The following DLG2 variants were observed in gnomAD, a reference collection of about 807,000 sequenced individuals.
The protein encoded by DLG2 is discs large MAGUK scaffold protein 2.
A neutral mutation model predicts 132.5 loss-of-function variants in DLG2; 45 were observed. That is an observed-to-expected ratio of 0.34 (90% confidence interval 0.27 to 0.44). DLG2 has a LOEUF of 0.44. Ranked by LOEUF, DLG2 falls within the 20% of genes least tolerant of loss-of-function variation. DLG2 has a pLI of 1.00. For synonymous variants in DLG2, 424 were observed against 419.6 expected (o/e 1.01, Z -0.13); for missense variants, 1,045 against 1,196.9 (o/e 0.87, Z 1.87).
chr11:85,347,967 CTTTTTTTTTTTTTT>C lies in DLG2; in HGVS notation c.41-62616_41-62603del, dbSNP rs35083224. 4.2e-4 allele frequency among the ~76,000 whole-genome samples: 17 copies of C among 40,396 alleles called. No homozygotes were observed. In the East Asian group the frequency reaches 5.9e-3, roughly 14 times the overall value. The allele number at this position is 40,396 out of a possible 152,430, so 26.5% of individuals were successfully genotyped here. On this transcript the variant is annotated intron_variant, in intron 3 of 27. Transcript: ENST00000376104. ...TACAGACTCATGCCACCACACTTAACTTTTTTTTTTTTTTTTTTTTTTTTTTTTTTTTGAGACAG... is the reference window on the plus strand; with the variant it reads ...TACAGACTCATGCCACCACACTTAACTTTTTTTTTTTTTTTTTTGAGACAG...
At chr11:85,601,873 T>C (rs2080187783) in intron 2 of DLG2, among the ~76,000 whole-genome samples, 1 of 152,216 alleles carries the variant, frequency 6.6e-6, no homozygotes, top group Non-Finnish European at 1.5e-5. Context: ...GTAAGACTTC[T>C]TTAATCTTAC....
chr11:84,132,367 A>G (rs1446647791), intron 9 of DLG2, among the ~76,000 whole-genome samples: 1 of 152,010 alleles, frequency 6.6e-6, no homozygotes, highest in Non-Finnish European at 1.5e-5. Flanking sequence ...TTGGGGTGGT[A>G]ATGTGCAGAT....
intron 3 of DLG2, among the ~76,000 whole-genome samples, chr11:85,467,041 G>T (rs1425611441): frequency 6.6e-6 from 1 of 152,096 alleles, no homozygotes. Flanking sequence ...TTGTAAGTTG[G>T]ATTCCTAGGT....
At chr11:83,984,865 G>A (rs2514172) in intron 11 of DLG2, among the ~76,000 whole-genome samples, 26,112 of 151,788 alleles carry the variant, frequency 0.17, 3,637 homozygotes, top group African/African-American at 0.36. Context: ...TAGTTATTTC[G>A]AAATACACAA....
chr11:83,649,007 G>T (rs2069151006), intron 18 of DLG2, among the ~76,000 whole-genome samples: 4 of 152,078 alleles, frequency 2.6e-5, no homozygotes, highest in African/African-American at 9.7e-5. Context: ...TGTTGCTAAA[G>T]ATTATTATGA....
intron 8 of DLG2, among the ~76,000 whole-genome samples, chr11:84,221,800 A>T (rs1057047165): frequency 3.3e-5 from 5 of 152,180 alleles, no homozygotes; most frequent in African/African-American, 1.2e-4. Context: ...GTCTCATGTA[A>T]AGAACTTAGC....
At chr11:84,951,516 C>G (rs2050910611) in intron 6 of DLG2, among the ~76,000 whole-genome samples, 1 of 151,922 alleles carries the variant, frequency 6.6e-6, no homozygotes, top group African/African-American at 2.4e-5. Context: ...TCATTCTTCT[C>G]TTTTATAAAT....
rs141196332 is a variant in DLG2, at chr11:83,579,186, T to C, written c.1941-37328A>G. On this transcript the variant is annotated intron_variant, in intron 19 of 27. Coordinates refer to ENST00000376104, the MANE Select transcript of DLG2 (RefSeq NM_001142699.3). ...GTGTTGTGGTAAGCAAAATTCTTAATGTAAGATATTTGGACTTTGAGAGAG... is the reference window on the plus strand; with the variant it reads ...GTGTTGTGGTAAGCAAAATTCTTAACGTAAGATATTTGGACTTTGAGAGAG... Among the ~76,000 whole-genome samples the C allele has an allele frequency of 9.0e-4, 137 of 152,292 alleles. 1 individual carries two copies. The South Asian group carries it at 9.1e-3, about 10-fold the overall frequency.
intron 7 of DLG2, among the ~76,000 whole-genome samples, chr11:84,343,839 C>T (rs912909463): frequency 6.6e-6 from 1 of 152,120 alleles, no homozygotes; most frequent in South Asian, 2.1e-4. Flanking sequence ...CTAATATAGA[C>T]ATTCATCAGT....
At chr11:83,583,583 C>G (rs1025765326) in intron 19 of DLG2, among the ~76,000 whole-genome samples, 2 of 152,164 alleles carry the variant, frequency 1.3e-5, no homozygotes, top group South Asian at 4.1e-4. Context: ...CTTGCAGTTG[C>G]AAAATGTCAG....
intron 6 of DLG2, among the ~76,000 whole-genome samples, chr11:84,918,265 TA>T (rs1333681529): frequency 6.6e-6 from 1 of 152,174 alleles, no homozygotes; most frequent in Non-Finnish European, 1.5e-5. Flanking sequence ...CAAAATTAAC[TA>T]CCAGTATAAA....
At chr11:84,194,360 G>A (rs12794445) in intron 8 of DLG2, among the ~76,000 whole-genome samples, 1 of 152,086 alleles carries the variant, frequency 6.6e-6, no homozygotes, top group African/African-American at 2.4e-5. Context: ...TTCTTCTGGT[G>A]GGTTCATGGT....
intron 3 of DLG2, among the ~76,000 whole-genome samples, chr11:85,467,519 AG>A (rs1179806686): frequency 1.3e-4 from 20 of 152,286 alleles, no homozygotes; most frequent in African/African-American, 4.8e-4. Context: ...TTTAGCATGA[AG>A]GGTTGTTGAA....
Position 85,009,703 on chromosome 11 carries a change from G to A in DLG2, c.357+101958C>T, listed in dbSNP as rs142905461. On this transcript the variant is annotated intron_variant, in intron 6 of 27. Transcript: ENST00000376104. Reference sequence around the variant, plus strand: ...GTATATCAATTCCAGTTATACAAACGCCAAGAAGCTTATTTTAAACGCAAA... The same window carrying A: ...GTATATCAATTCCAGTTATACAAACACCAAGAAGCTTATTTTAAACGCAAA... Among the ~76,000 whole-genome samples the A allele has an allele frequency of 1.5e-3, 228 of 151,870 alleles. 2 individuals are homozygous for A. The highest frequency in any genetic ancestry group is 2.5e-3 in the Non-Finnish European group (168 of 67,866).
Position 83,899,783 on chromosome 11 carries a change from AG to A in DLG2, c.1497-25296del, listed in dbSNP as rs574932448. On this transcript the variant is annotated intron_variant, in intron 15 of 27. Transcript: ENST00000376104. ...CAGCAGCATGAAAATGAACTAATACAGCAAATTGGTAAGATTAGAGTGCATT... is the reference window on the plus strand; with the variant it reads ...CAGCAGCATGAAAATGAACTAATACACAAATTGGTAAGATTAGAGTGCATT... Among the ~76,000 whole-genome samples the A allele has an allele frequency of 2.2e-3, 330 of 152,332 alleles. 2 individuals carry two copies. Among genetic ancestry groups the A allele is most frequent in the African/African-American group, 7.6e-3 (318 of 41,584 alleles).
At position 85,058,979 on chromosome 11, in the gene DLG2, T is replaced by A. The variant is rs528508393; in HGVS notation, c.357+52682A>T. Among the ~76,000 whole-genome samples the A allele has an allele frequency of 6.6e-5, 10 of 151,544 alleles. 1 individual carries two copies. The highest frequency in any genetic ancestry group is 2.4e-4 in the African/African-American group (10 of 41,516). ...TAAAAAGGACACAAAAGGCACTTTA[T>A]CATTTCATAAAGAAAAAGAATGATA... On this transcript the variant is annotated intron_variant, in intron 6 of 27. Coordinates refer to ENST00000376104, the MANE Select transcript of DLG2 (RefSeq NM_001142699.3).
intron 4 of DLG2, among the ~76,000 whole-genome samples, chr11:85,246,857 A>G (rs990411857): frequency 7.2e-5 from 11 of 152,120 alleles, no homozygotes; most frequent in Admixed American, 2.6e-4. Context: ...GATCACTAAC[A>G]TAGTTATCCA....
chr11:85,461,122 A>C (rs940447975), intron 3 of DLG2, among the ~76,000 whole-genome samples: 1 of 152,218 alleles, frequency 6.6e-6, no homozygotes, highest in African/African-American at 2.4e-5. Context: ...ATTCCTACGG[A>C]AGTTATACAC....
chr11:84,451,466 C>A (rs1056314856), intron 7 of DLG2, among the ~76,000 whole-genome samples: 8 of 151,678 alleles, frequency 5.3e-5, no homozygotes, highest in African/African-American at 1.7e-4. Flanking sequence ...CCTAGGGGGA[C>A]ATCCACATTC....
Sources: gnomAD v4.1 joint callset for allele counts (sites outside exome capture counted in the v4.1 genomes callset) on GRCh38, gnomAD v4.1.1 for gene constraint, MANE v1.5 for transcripts, NCBI Gene and HGNC (gene_info 2026-07-23, HGNC 2026-07-21) for gene names.